The following ABCB1 variants were observed in gnomAD, a reference collection of about 807,000 sequenced individuals.
ABCB1 encodes ATP-dependent translocase ABCB1.
Under a neutral mutation model 142.0 loss-of-function variants are expected in ABCB1, and 69 were observed. The observed-to-expected ratio is 0.49, with a 90% CI of 0.40 to 0.59. The LOEUF (loss-of-function observed/expected upper bound fraction) is 0.59, where lower values mean the gene tolerates loss of function less well. Among genes scored for constraint, ABCB1 ranks in the 20% least tolerant of loss-of-function variants. ABCB1 has a pLI of 0.00. For missense variants in ABCB1, 1,326 were observed against 1,554.7 expected (o/e 0.85, Z 2.47); for synonymous variants, 532 against 539.2 (o/e 0.99, Z 0.18).
At chr7:87,603,414 T>A (rs1412300189), upstream of ABCB1, among the ~76,000 whole-genome samples, 1 of 152,218 alleles carries the variant, frequency 6.6e-6, no homozygotes, top group Non-Finnish European at 1.5e-5. Context: ...TGTAGTACAT[T>A]ATCATAGGAC....
At chr7:87,516,840 G>A (rs1465629842) in intron 23 of ABCB1, among the ~76,000 whole-genome samples, 175 bp from the exon 24 acceptor site, 3 of 149,008 alleles carry the variant, frequency 2.0e-5, no homozygotes, top group Non-Finnish European at 2.9e-5. Context: ...GGGCTTAAGC[G>A]ATCTTCCCAC....
At chr7:87,544,028 A>C in intron 17 of ABCB1, 101 bp downstream of exon 17, 6 of 1,421,688 alleles carry the variant, frequency 4.2e-6, no homozygotes, top group Non-Finnish European at 5.9e-6. Flanking sequence ...AGATACGTGG[A>C]TTTTGTTGTT....
At chr7:87,568,754 ATAAC>A (rs927572262) in intron 5 of ABCB1, among the ~76,000 whole-genome samples, 26 of 152,194 alleles carry the variant, frequency 1.7e-4, no homozygotes, top group Non-Finnish European at 3.7e-4. Context: ...AGATAACTCA[ATAAC>A]TAATTACTAT....
At chr7:87,676,703 CAAAAAAAAAAAAAAA>C (rs57480483) in intron 1 of ABCB1, among the ~76,000 whole-genome samples, 2 of 45,432 alleles carry the variant, frequency 4.4e-5, no homozygotes, top group Non-Finnish European at 8.8e-5. Context: ...GACCCTGTCT[CAAAAAAAAAAAAAAA>C]AAAAAAAAAA....
chr7:87,547,850 C>CAAAAAA (rs1210127693), intron 14 of ABCB1, among the ~76,000 whole-genome samples: 2 of 42,020 alleles, frequency 4.8e-5, no homozygotes, highest in Non-Finnish European at 8.1e-5. Flanking sequence ...GACTCCATCT[C>CAAAAAA]AAAAAAAAAA....
chr7:87,575,249 G>C (rs139937822), intron 4 of ABCB1, among the ~76,000 whole-genome samples: 172 of 152,200 alleles, frequency 1.1e-3, no homozygotes, highest in African/African-American at 4.1e-3. Context: ...ATATAACATG[G>C]ATACATTAGT....
chr7:87,698,134 C>T (rs1828663371), intron 1 of ABCB1, among the ~76,000 whole-genome samples: 2 of 152,190 alleles, frequency 1.3e-5, no homozygotes, highest in South Asian at 4.1e-4. Flanking sequence ...AAGTCTCACT[C>T]TGTCACCCAG....
rs147988355 is a variant in ABCB1, at chr7:87,559,195, A to G, written c.827+2068T>C. Among the ~76,000 whole-genome samples the G allele has an allele frequency of 1.3e-3, 199 of 152,176 alleles. 2 individuals are homozygous for G. The South Asian group carries it at 0.016, about 12-fold the overall frequency. On this transcript the variant is annotated intron_variant, in intron 8 of 27. Transcript: ENST00000622132. ...AGAACTTGCCTACAAAATTATCCAG[A>G]CTTGTTTTGTGATTTCTGCTTGTGG...
chr7:87,587,621 C>T (rs961410923), intron 3 of ABCB1, among the ~76,000 whole-genome samples: 3 of 152,100 alleles, frequency 2.0e-5, no homozygotes, highest in African/African-American at 7.2e-5. Flanking sequence ...CCTGTAATCC[C>T]AGCACTTTGG....
intron 1 of ABCB1, among the ~76,000 whole-genome samples, chr7:87,706,586 CCA>C (rs1246793394): frequency 6.6e-6 from 1 of 152,138 alleles, no homozygotes; most frequent in East Asian, 1.9e-4. Context: ...ACTTGAGTGG[CCA>C]CAGTCCTGGA....
chr7:87,535,499 A>T (rs1160672419), intron 20 of ABCB1, among the ~76,000 whole-genome samples: 2 of 147,858 alleles, frequency 1.4e-5, no homozygotes, highest in Admixed American at 6.7e-5. Flanking sequence ...ATTACATTCT[A>T]TACAACTTGA....
At chr7:87,678,095 CATGA>C in intron 1 of ABCB1, among the ~76,000 whole-genome samples, 1 of 152,302 alleles carries the variant, frequency 6.6e-6, no homozygotes, top group East Asian at 1.9e-4. Context: ...CTTGGAACTT[CATGA>C]ATGAAGAAAG....
At chr7:87,541,971 G>A (rs1169715179) in intron 17 of ABCB1, among the ~76,000 whole-genome samples, 1 of 152,162 alleles carries the variant, frequency 6.6e-6, no homozygotes, top group Non-Finnish European at 1.5e-5. Flanking sequence ...GAGCCAGTTG[G>A]AAACTACAGC....
At chr7:87,553,656 T>C (rs1817186364) in intron 9 of ABCB1, 105 bp downstream of exon 9, 5 of 1,234,134 alleles carry the variant, frequency 4.1e-6, no homozygotes, top group Admixed American at 1.9e-5. Context: ...ATGTCTGTAG[T>C]ATTCAACAGT....
chr7:87,517,968 C>T (rs989602201), intron 23 of ABCB1, among the ~76,000 whole-genome samples: 11 of 152,202 alleles, frequency 7.2e-5, no homozygotes, highest in African/African-American at 2.4e-4. Flanking sequence ...GACAGGCCTA[C>T]AAGTCTTGAA....
intron 1 of ABCB1, among the ~76,000 whole-genome samples, chr7:87,621,384 C>T (rs1265995307): frequency 6.6e-6 from 1 of 151,998 alleles, no homozygotes; most frequent in Non-Finnish European, 1.5e-5. Flanking sequence ...ACAAAGGTAG[C>T]ATTTTATATC....
intron 1 of ABCB1, among the ~76,000 whole-genome samples, chr7:87,635,969 A>G (rs1821725036): frequency 2.0e-5 from 3 of 152,224 alleles, no homozygotes; most frequent in Admixed American, 2.0e-4. Context: ...TTGGATGAAT[A>G]TACCACAATA....
chr7:87,535,808 A>G (rs1343163319), intron 20 of ABCB1, among the ~76,000 whole-genome samples: 1 of 152,184 alleles, frequency 6.6e-6, no homozygotes, highest in African/African-American at 2.4e-5. Context: ...GACACACCAG[A>G]GATTACATGA....
intron 19 of ABCB1, among the ~76,000 whole-genome samples, chr7:87,537,808 G>T (rs1345651888): frequency 6.6e-6 from 1 of 152,084 alleles, no homozygotes; most frequent in African/African-American, 2.4e-5. Context: ...TAAATACACA[G>T]ATACTAACAT....
Sources: gnomAD v4.1 joint callset for allele counts (sites outside exome capture counted in the v4.1 genomes callset) on GRCh38, gnomAD v4.1.1 for gene constraint, MANE v1.5 for transcripts, NCBI Gene and HGNC (gene_info 2026-07-23, HGNC 2026-07-21) for gene names.